EYA1: variants seen among roughly 807,000 people sequenced by gnomAD.
EYA1 encodes the protein EYA transcriptional coactivator and phosphatase 1.
Under a neutral mutation model 82.0 loss-of-function variants are expected in EYA1, and 16 were observed. The observed-to-expected ratio is 0.20, with a 90% CI of 0.13 to 0.30. EYA1 has a LOEUF of 0.30. Among genes scored for constraint, EYA1 ranks in the 10% least tolerant of loss-of-function variants. EYA1 has a pLI of 1.00. For missense variants in EYA1, 633 were observed against 730.7 expected, an observed-to-expected ratio of 0.87 and a Z score of 1.54; for synonymous variants, 261 against 264.4, an observed-to-expected ratio of 0.99 and a Z score of 0.12.
At chr8:71,459,068 A>C (rs1437540708) in intron 2 of EYA1, among the ~76,000 whole-genome samples, 1 of 152,176 alleles carries the variant, frequency 6.6e-6, no homozygotes, top group East Asian at 1.9e-4. Context: ...CTGGAGAAAC[A>C]CATTGGCTCA....
At chr8:71,216,638 G>C (rs762730367) in intron 14 of EYA1, 54 bp downstream of exon 14, 13 of 1,574,608 alleles carry the variant, frequency 8.3e-6, no homozygotes, top group African/African-American at 1.3e-5. Flanking sequence ...CAGTACTTTT[G>C]GAATTGTATC....
intron 1 of EYA1, among the ~76,000 whole-genome samples, chr8:71,536,906 A>G (rs1326032283): frequency 6.6e-6 from 1 of 152,230 alleles, no homozygotes; most frequent in Admixed American, 6.5e-5. Context: ...AACATAAGCT[A>G]TCTGAACCTT....
rs185142986 is a variant in EYA1, at chr8:71,299,496, A to C, written c.639+142T>G. ...CTGAAAACCAAACAACTCACCACAA[A>C]AGACTGCTAAAGTGAATTTTAAAAG... On this transcript the variant is annotated intron_variant, in intron 8 of 17. Transcript: ENST00000340726. The C allele has an allele frequency of 1.7e-3, 1,215 of 707,220 alleles. 3 individuals are homozygous for C. The highest frequency in any genetic ancestry group is 7.1e-3 in the Middle Eastern group (18 of 2,548). The allele number at this position is 707,220 out of a possible 1,614,324, so 43.8% of individuals were successfully genotyped here.
chr8:71,271,920 T>C (rs767320075), intron 9 of EYA1, 23 bp from the exon 10 acceptor site: 1 of 1,614,060 alleles, frequency 6.2e-7, no homozygotes, highest in East Asian at 2.2e-5. Context: ...AGGAAGGACT[T>C]TCATCTTTTA....
intron 11 of EYA1, among the ~76,000 whole-genome samples, chr8:71,251,606 G>A (rs6984343): frequency 0.12 from 18,305 of 152,214 alleles, 1,196 homozygotes; most frequent in African/African-American, 0.15. Context: ...GTAACATTAT[G>A]TAGAAAAAGT....
intron 2 of EYA1, among the ~76,000 whole-genome samples, chr8:71,407,996 G>A (rs923530560): frequency 4.6e-4 from 69 of 151,420 alleles, no homozygotes; most frequent in South Asian, 2.1e-3. Context: ...CCCTCAAAGG[G>A]AAGCCCATCA....
At chr8:71,510,296 C>T (rs1486948763) in intron 2 of EYA1, among the ~76,000 whole-genome samples, 3 of 152,148 alleles carry the variant, frequency 2.0e-5, no homozygotes, top group Non-Finnish European at 4.4e-5. Flanking sequence ...TGAACCCAGC[C>T]CTAAAGCAGC....
intron 2 of EYA1, among the ~76,000 whole-genome samples, chr8:71,512,693 C>T (rs73293186): frequency 3.3e-5 from 5 of 151,952 alleles, no homozygotes; most frequent in African/African-American, 1.2e-4. Context: ...TAAAAGGAAT[C>T]AATCAAGTAA....
rs939409941 is a variant in EYA1, at chr8:71,197,798, A to G, written c.*1542T>C. 1.3e-5 allele frequency: 2 copies of G among 152,614 alleles called. No homozygotes were observed. The highest frequency in any genetic ancestry group is 4.8e-5 in the African/African-American group (2 of 41,434). The allele number at this position is 152,614 out of a possible 1,614,324, so 9.5% of individuals were successfully genotyped here. A position where few individuals can be genotyped will look rare whatever the true frequency, so the allele number is the denominator to read the frequency against. The stretch of plus-strand genomic sequence containing the variant: ...GATTGATTAAAGAAGACTCATCCTA[A>G]GGGTAATTTCATGACAATGGATTGT... On this transcript the variant is annotated 3_prime_UTR_variant, in exon 18 of 18. Coordinates refer to ENST00000340726, the MANE Select transcript of EYA1 (RefSeq NM_000503.6).
At chr8:71,343,878 C>CT (rs892126677) in intron 3 of EYA1, among the ~76,000 whole-genome samples, 1 of 152,058 alleles carries the variant, frequency 6.6e-6, no homozygotes, top group South Asian at 2.1e-4. Flanking sequence ...TATTAGATTC[C>CT]TTTTTTCTCC....
At chr8:71,466,006 T>C (rs949562140) in intron 2 of EYA1, among the ~76,000 whole-genome samples, 1 of 152,192 alleles carries the variant, frequency 6.6e-6, no homozygotes, top group African/African-American at 2.4e-5. Flanking sequence ...CATCAAAACA[T>C]TCTGCCCTAG....
At chr8:71,325,697 C>T (rs1405510631) in intron 4 of EYA1, among the ~76,000 whole-genome samples, 9 of 152,152 alleles carry the variant, frequency 5.9e-5, no homozygotes, top group Middle Eastern at 3.4e-3. Context: ...ATGTGAAGAA[C>T]CCACAATGCT....
At chr8:71,323,804 G>A (rs945145926) in intron 4 of EYA1, among the ~76,000 whole-genome samples, 2 of 152,208 alleles carry the variant, frequency 1.3e-5, no homozygotes, top group Non-Finnish European at 2.9e-5. Flanking sequence ...AGAACTGTGG[G>A]ATGGTCAGTT....
chr8:71,416,699 C>T (rs1318732189), intron 2 of EYA1, among the ~76,000 whole-genome samples: 1 of 152,178 alleles, frequency 6.6e-6, no homozygotes, highest in Admixed American at 6.5e-5. Flanking sequence ...GCCTCAGCAT[C>T]ATCTCAGAGT....
intron 3 of EYA1, among the ~76,000 whole-genome samples, chr8:71,335,024 T>A (rs1331713175): frequency 6.6e-6 from 1 of 152,228 alleles, no homozygotes; most frequent in African/African-American, 2.4e-5. Flanking sequence ...AGTTTTACAT[T>A]TTTTTAAAAG....
chr8:71,246,724 A>T (rs1268696316), intron 11 of EYA1, among the ~76,000 whole-genome samples: 2 of 152,222 alleles, frequency 1.3e-5, no homozygotes, highest in Admixed American at 6.5e-5. Flanking sequence ...TAATAAAAAA[A>T]ATCTTGTCTT....
intron 2 of EYA1, among the ~76,000 whole-genome samples, chr8:71,411,582 A>G (rs967671542): frequency 4.6e-5 from 7 of 151,512 alleles, no homozygotes; most frequent in African/African-American, 1.5e-4. Context: ...ACATGAACAG[A>G]CACTTCTCAA....
intron 2 of EYA1, among the ~76,000 whole-genome samples, chr8:71,440,712 A>G (rs1020601858): frequency 1.8e-4 from 28 of 152,134 alleles, no homozygotes; most frequent in African/African-American, 6.5e-4. Flanking sequence ...GGAAATATCT[A>G]CCTGTGTGTC....
At chr8:71,455,073 G>T (rs900432906) in intron 2 of EYA1, among the ~76,000 whole-genome samples, 5 of 152,102 alleles carry the variant, frequency 3.3e-5, no homozygotes, top group Non-Finnish European at 5.9e-5. Context: ...TGATAAAGGG[G>T]ATATCACCAC....
Sources: allele counts gnomAD v4.1 joint callset (sites outside exome capture counted in the v4.1 genomes callset), GRCh38; gene constraint gnomAD v4.1.1; transcripts MANE v1.5; gene names NCBI Gene and HGNC (gene_info 2026-07-23, HGNC 2026-07-21).